The following PTGER3 variants were observed in gnomAD, a reference collection of about 807,000 sequenced individuals.
PTGER3 encodes the protein prostaglandin E receptor 3.
PTGER3 carries 22 observed loss-of-function variants against 34.7 expected under a neutral mutation model. The observed-to-expected ratio is 0.63, with a 90% confidence interval of 0.45 to 0.91. The LOEUF is 0.91. PTGER3 is among the 40% of genes least tolerant of loss of function. PTGER3 has a pLI of 0.00. For missense variants in PTGER3, 468 were observed against 519.4 expected (o/e 0.90, Z 0.96); for synonymous variants, 241 against 230.1 (o/e 1.05, Z -0.43).
chr1:70,972,375 A>C (rs1483222366), intron 3 of PTGER3, among the ~76,000 whole-genome samples: 1 of 152,210 alleles, frequency 6.6e-6, no homozygotes, highest in Non-Finnish European at 1.5e-5. Context: ...TTTTTAAGAT[A>C]GTACACAGTG....
chr1:70,911,322 C>A (rs904353602), intron 4 of PTGER3, among the ~76,000 whole-genome samples: 4 of 151,758 alleles, frequency 2.6e-5, no homozygotes, highest in South Asian at 4.2e-4. Flanking sequence ...TGTCTCCCCC[C>A]ACAGTTACAG....
chr1:70,875,656 A>T (rs773310263), intron 4 of PTGER3, among the ~76,000 whole-genome samples: 1 of 152,062 alleles, frequency 6.6e-6, no homozygotes, highest in African/African-American at 2.4e-5. Context: ...ACAGTGCCTG[A>T]TATTCCTTTC....
intron 4 of PTGER3, among the ~76,000 whole-genome samples, chr1:70,939,176 G>A (rs1649524387): frequency 6.6e-6 from 1 of 152,166 alleles, no homozygotes. Context: ...ATCCAGTGGG[G>A]CAGTCACATT....
At chr1:70,881,502 G>T (rs1478647156) in intron 4 of PTGER3, among the ~76,000 whole-genome samples, 1 of 152,128 alleles carries the variant, frequency 6.6e-6, no homozygotes, top group Admixed American at 6.5e-5. Flanking sequence ...TTTTGTTGTT[G>T]TTGTTGTTGC....
intron 1 of PTGER3, among the ~76,000 whole-genome samples, chr1:71,032,331 G>C (rs1659481394): frequency 6.6e-6 from 1 of 152,060 alleles, no homozygotes; most frequent in Non-Finnish European, 1.5e-5. Flanking sequence ...ACTCATACTA[G>C]TCTTTGAAAA....
chr1:70,900,907 A>C (rs866699206), intron 4 of PTGER3, among the ~76,000 whole-genome samples: 1 of 136,086 alleles, frequency 7.3e-6, no homozygotes. Context: ...TTGATTATTT[A>C]TTGCAAGTAT....
intron 2 of PTGER3, among the ~76,000 whole-genome samples, chr1:70,996,946 G>A (rs1438539496): frequency 6.6e-6 from 1 of 152,182 alleles, no homozygotes; most frequent in Non-Finnish European, 1.5e-5. Context: ...GCAGGCATGA[G>A]CCACTGCGCC....
exon 4 of PTGER3, chr1:70,952,873 A>G (rs550727417): frequency 4.5e-6 from 7 of 1,550,604 alleles, no homozygotes; most frequent in South Asian, 1.2e-5. Context: ...TTGCTTTTTT[A>G]AAACACAGCA....
intron 4 of PTGER3, among the ~76,000 whole-genome samples, chr1:70,908,494 G>A (rs1054464715): frequency 2.7e-4 from 41 of 152,132 alleles, no homozygotes; most frequent in Admixed American, 1.4e-3. Flanking sequence ...TTCCTCAGTA[G>A]GATTGAGCTC....
chr1:71,043,979 G>A (rs535705967), intron 1 of PTGER3, among the ~76,000 whole-genome samples: 2 of 151,432 alleles, frequency 1.3e-5, no homozygotes, highest in South Asian at 2.1e-4. Context: ...ACCATGCCCC[G>A]CTAATTTTTG....
rs978102647 is a variant in PTGER3, at chr1:70,898,826, C to T, written c.*24-45967G>A. Among the ~76,000 whole-genome samples, 4 of 152,210 alleles carry T rather than the reference C, an allele frequency of 2.6e-5. No individual in the cohort carries two copies. In the East Asian group the frequency reaches 7.7e-4, roughly 29 times the overall value. On this transcript the variant is annotated intron_variant, in intron 4 of 4. Transcript: ENST00000370931. ...ATATACAGTGATATAATCTCATGTTCCTTTTTCCCTCTAAAATCTCAAAAA... is the reference window on the plus strand; with the variant it reads ...ATATACAGTGATATAATCTCATGTTTCTTTTTCCCTCTAAAATCTCAAAAA...
At chr1:70,999,652 T>C (rs1572896428) in intron 2 of PTGER3, among the ~76,000 whole-genome samples, 1 of 152,272 alleles carries the variant, frequency 6.6e-6, no homozygotes, top group Admixed American at 6.5e-5. Flanking sequence ...CCTCTGTAAC[T>C]AGGAAGCACA....
chr1:70,912,765 C>CATTGA (rs1647088194), intron 4 of PTGER3, among the ~76,000 whole-genome samples: 1 of 152,006 alleles, frequency 6.6e-6, no homozygotes, highest in African/African-American at 2.4e-5. Context: ...GATCTTTCAC[C>CATTGA]ATTGAATTGC....
intron 4 of PTGER3, among the ~76,000 whole-genome samples, chr1:70,913,070 T>G (rs1647095486): frequency 6.6e-6 from 1 of 152,028 alleles, no homozygotes; most frequent in African/African-American, 2.4e-5. Flanking sequence ...GAATTATAGA[T>G]AAGTTTTGAG....
At chr1:70,936,786 A>C (rs1649273255) in intron 4 of PTGER3, among the ~76,000 whole-genome samples, 2 of 152,124 alleles carry the variant, frequency 1.3e-5, no homozygotes, top group Non-Finnish European at 2.9e-5. Flanking sequence ...ATCAGGAAAG[A>C]CCTCACTCCC....
intron 4 of PTGER3, among the ~76,000 whole-genome samples, chr1:70,876,633 A>G (rs1646278576): frequency 6.6e-6 from 1 of 151,988 alleles, no homozygotes; most frequent in Non-Finnish European, 1.5e-5. Context: ...ATTTTTGTAT[A>G]TGGTATAAAG....
intron 4 of PTGER3, among the ~76,000 whole-genome samples, chr1:70,859,168 T>G (rs1645874522): frequency 6.6e-6 from 1 of 152,226 alleles, no homozygotes; most frequent in African/African-American, 2.4e-5. Context: ...GCTCCTATTC[T>G]CATGCTGAAT....
intron 2 of PTGER3, among the ~76,000 whole-genome samples, chr1:70,965,541 GT>G (rs111580485): frequency 1.6e-3 from 245 of 152,166 alleles, no homozygotes; most frequent in Admixed American, 2.2e-3. Context: ...TTTTTCAAAA[GT>G]TTTTTTAAGA....
At chr1:70,954,830 AAC>A (rs1229991518) in intron 2 of PTGER3, among the ~76,000 whole-genome samples, 7 of 141,338 alleles carry the variant, frequency 5.0e-5, no homozygotes, top group Admixed American at 4.5e-4. Context: ...AGGAAGAAAA[AAC>A]ACATGACCGT....
Sources: allele counts gnomAD v4.1 joint callset (sites outside exome capture counted in the v4.1 genomes callset), GRCh38; gene constraint gnomAD v4.1.1; transcripts MANE v1.5; gene names NCBI Gene and HGNC (gene_info 2026-07-23, HGNC 2026-07-21).